WDFY4: variants seen among roughly 807,000 people sequenced by gnomAD.
WDFY4 encodes WDFY family member 4.
A neutral mutation model predicts 351.9 loss-of-function variants in WDFY4; 169 were observed. The ratio of observed to expected loss-of-function variants is 0.48; its 90% CI spans 0.42 to 0.55. The LOEUF is 0.55. Among genes scored for constraint, WDFY4 ranks in the 20% least tolerant of loss-of-function variants. WDFY4 has a pLI of 0.00. For synonymous variants in WDFY4, 1,622 were observed against 1,574.6 expected (o/e 1.03, Z -0.71); for missense variants, 3,803 against 3,935.6 (o/e 0.97, Z 0.90).
chr10:48,773,395 G>A (rs1218534942), intron 13 of WDFY4, among the ~76,000 whole-genome samples: 1 of 152,128 alleles, frequency 6.6e-6, no homozygotes, highest in Non-Finnish European at 1.5e-5. Flanking sequence ...AAGAGAATGT[G>A]GACAGTCCTA....
chr10:48,691,922 G>C (rs1017340247), intron 1 of WDFY4, among the ~76,000 whole-genome samples: 1 of 152,244 alleles, frequency 6.6e-6, no homozygotes, highest in Non-Finnish European at 1.5e-5. Context: ...CAGGGTGGCA[G>C]ATGCTATAAC....
chr10:48,977,263 C>A (rs1174999766), intron 59 of WDFY4, among the ~76,000 whole-genome samples: 1 of 152,134 alleles, frequency 6.6e-6, no homozygotes, highest in African/African-American at 2.4e-5. Context: ...TGGTTAAATG[C>A]AAAAGATTAT....
At position 48,726,082 on chromosome 10, in the gene WDFY4, GA is replaced by G; in HGVS notation, c.781+15del. 6.5e-7 allele frequency: 1 copy of G among 1,532,148 alleles called. No individual in the cohort carries two copies. The highest frequency in any genetic ancestry group is 8.8e-7 in the Non-Finnish European group (1 of 1,131,172). 94.9% of individuals were successfully genotyped at this position (1,532,148 alleles called of 1,614,324 possible). A position where few individuals can be genotyped will look rare whatever the true frequency, so the allele number is the denominator to read the frequency against. On this transcript the variant is annotated intron_variant, in intron 6 of 61. Transcript: ENST00000325239. ...CCAGTACCTGCAGGGTATGGCCCGG[GA>G]AATTAGATGTGGGCTGTGGGCCATG...
At chr10:48,929,321 C>G (rs963020131) in intron 47 of WDFY4, among the ~76,000 whole-genome samples, 1 of 152,154 alleles carries the variant, frequency 6.6e-6, no homozygotes, top group African/African-American at 2.4e-5. Context: ...AAACCCAGCC[C>G]TGAGGCTGGT....
At chr10:48,862,280 A>G (rs2663050) in intron 39 of WDFY4, among the ~76,000 whole-genome samples, 65,733 of 152,060 alleles carry the variant, frequency 0.43, 15,442 homozygotes, top group East Asian at 0.71. Flanking sequence ...TATTAAACAG[A>G]TTTATTTATA....
At chr10:48,908,441 G>A (rs912795559) in intron 47 of WDFY4, among the ~76,000 whole-genome samples, 7 of 152,186 alleles carry the variant, frequency 4.6e-5, no homozygotes, top group African/African-American at 1.7e-4. Context: ...GATCAACAAC[G>A]GGAAATTTTA....
At chr10:48,871,468 C>T (rs1373005497) in intron 40 of WDFY4, among the ~76,000 whole-genome samples, 5 of 151,484 alleles carry the variant, frequency 3.3e-5, no homozygotes, top group Non-Finnish European at 7.4e-5. Flanking sequence ...TCTGGTGGCC[C>T]CCCCCTTTTT....
intron 39 of WDFY4, among the ~76,000 whole-genome samples, chr10:48,838,486 G>T (rs1004774597): frequency 1.3e-5 from 2 of 152,088 alleles, no homozygotes; most frequent in East Asian, 1.9e-4. Flanking sequence ...CTCTGTTAAG[G>T]GCAGCTCTGG....
At chr10:48,941,924 G>C in intron 48 of WDFY4, 76 bp downstream of exon 48, 2 of 1,372,684 alleles carry the variant, frequency 1.5e-6, no homozygotes, top group African/African-American at 2.9e-5. Flanking sequence ...CGATGGAGAG[G>C]AAGTGTGTGG....
chr10:48,852,617 C>T (rs911640859), intron 39 of WDFY4, among the ~76,000 whole-genome samples: 1 of 152,164 alleles, frequency 6.6e-6, no homozygotes, highest in Non-Finnish European at 1.5e-5. Context: ...CATTTTGCCT[C>T]CTACTCCACT....
At chr10:48,769,820 G>A (rs556599719) in intron 13 of WDFY4, among the ~76,000 whole-genome samples, 140 of 152,356 alleles carry the variant, frequency 9.2e-4, no homozygotes, top group African/African-American at 3.2e-3. Context: ...GACAGACAGC[G>A]TGGACTTAAA....
chr10:48,943,279 G>T (rs1347338095), intron 48 of WDFY4, 51 bp from the exon 49 acceptor site: 1 of 1,542,898 alleles, frequency 6.5e-7, no homozygotes, highest in Non-Finnish European at 8.7e-7. Context: ...CCATGGCTTT[G>T]CAGGAGCATC....
intron 24 of WDFY4, among the ~76,000 whole-genome samples, chr10:48,797,603 ACACAAG>A (rs2066918453): frequency 2.1e-5 from 3 of 140,510 alleles, no homozygotes; most frequent in Non-Finnish European, 4.5e-5. Flanking sequence ...TTCATTACAA[ACACAAG>A]CACTGTTTTG....
intron 47 of WDFY4, among the ~76,000 whole-genome samples, chr10:48,908,929 C>T (rs1007674259): frequency 1.3e-5 from 2 of 152,212 alleles, no homozygotes; most frequent in African/African-American, 4.8e-5. Context: ...TCTTCCCCCA[C>T]CATCCTTAAA....
At chr10:48,910,019 TC>T in intron 47 of WDFY4, 1 of 558,676 alleles carries the variant, frequency 1.8e-6, no homozygotes. Context: ...AAAAACCACA[TC>T]AAATATTTCC....
At chr10:48,823,794 C>T in intron 35 of WDFY4, 6 of 989,082 alleles carry the variant, frequency 6.1e-6, no homozygotes, top group Non-Finnish European at 7.2e-6. Flanking sequence ...CCCACATATC[C>T]ACCAGCCTCC....
chr10:48,735,491 A>AT (rs60593555), intron 10 of WDFY4, among the ~76,000 whole-genome samples: 4 of 150,776 alleles, frequency 2.7e-5, no homozygotes, highest in Non-Finnish European at 3.0e-5. Flanking sequence ...TTAGGTTTCT[A>AT]TTTTTTTTTC....
chr10:48,787,907 TTCTTCTTCTTCTTCTTC>T (rs2066507444), intron 20 of WDFY4, among the ~76,000 whole-genome samples: 22 of 37,922 alleles, frequency 5.8e-4, no homozygotes, highest in African/African-American at 1.3e-3. Flanking sequence ...CTTCTTCTTC[TTCTTCTTCTTCTTCTTC>T]TTCTTCTTCT....
At chr10:48,944,940 G>A (rs913536301) in intron 49 of WDFY4, among the ~76,000 whole-genome samples, 2 of 152,148 alleles carry the variant, frequency 1.3e-5, no homozygotes, top group Admixed American at 6.6e-5. Context: ...GTGGGTCTCC[G>A]TGTGTCCCCT....
Sources: gnomAD v4.1 joint callset for allele counts (sites outside exome capture counted in the v4.1 genomes callset) on GRCh38, gnomAD v4.1.1 for gene constraint, MANE v1.5 for transcripts, NCBI Gene and HGNC (gene_info 2026-07-23, HGNC 2026-07-21) for gene names.